SOS2: variants seen among roughly 807,000 people sequenced by gnomAD.
SOS2 encodes son of sevenless homolog 2.
SOS2 carries 65 observed loss-of-function variants against 148.2 expected under a neutral mutation model. The ratio of observed to expected loss-of-function variants is 0.44; its 90% CI spans 0.36 to 0.54. SOS2 has a LOEUF of 0.54. SOS2 is among the 20% of genes least tolerant of loss of function. The pLI is 0.00. For missense variants in SOS2, 1,341 were observed against 1,590.2 expected (o/e 0.84, Z 2.67); for synonymous variants, 539 against 537.1 (o/e 1.00, Z -0.05).
chr14:50,147,118 G>A (rs1285737872), intron 14 of SOS2, among the ~76,000 whole-genome samples: 1 of 151,806 alleles, frequency 6.6e-6, no homozygotes, highest in Non-Finnish European at 1.5e-5. Flanking sequence ...GACTGCTTGA[G>A]CCTAGAGTCT....
rs1469543967 is a variant in SOS2 at position 50,145,328 on chromosome 14, T to G, written c.2509A>C (p.Ile837Leu). The change falls in exon 16 of 23, where the codon ATT (isoleucine) becomes CTT (leucine). Residue 837 changes from isoleucine (I) to leucine (L), a missense_variant. By Grantham distance (5) the Ile-to-Leu change is conservative (BLOSUM62 2). Coordinates refer to ENST00000216373, the MANE Select transcript of SOS2 (RefSeq NM_006939.4). ...TCTTCAAAATTTTCTGCTTCCACAA[T>G]GCATCTAACAACAACAAAAATTCAT... ...TNLTLWFEKC[I>L]VEAENFEERV... is the part of the protein sequence containing the mutation. 1 of 1,600,866 alleles carries G rather than the reference T, an allele frequency of 6.2e-7. No homozygotes were observed. The highest frequency in any genetic ancestry group is 8.5e-7 in the Non-Finnish European group (1 of 1,176,022).
intron 18 of SOS2, among the ~76,000 whole-genome samples, chr14:50,135,642 CTTTTTTTTT>C (rs56043962): frequency 5.6e-4 from 46 of 82,576 alleles, no homozygotes; most frequent in Admixed American, 6.7e-4. Context: ...ATGTGGTTTG[CTTTTTTTTT>C]TTTTTTTTTT....
intron 7 of SOS2, among the ~76,000 whole-genome samples, chr14:50,176,094 CTG>C (rs1184420526): frequency 6.6e-6 from 1 of 152,194 alleles, no homozygotes; most frequent in Non-Finnish European, 1.5e-5. Context: ...GGCAGAGCCC[CTG>C]TGAACGGGGT....
intron 8 of SOS2, among the ~76,000 whole-genome samples, chr14:50,164,668 C>T (rs1885116338): frequency 6.6e-6 from 1 of 151,636 alleles, no homozygotes; most frequent in Admixed American, 6.6e-5. Flanking sequence ...AGAAAAATTA[C>T]TGTACTGAAC....
chr14:50,228,198 C>T (rs1400282532), intron 1 of SOS2, among the ~76,000 whole-genome samples: 6 of 151,924 alleles, frequency 3.9e-5, no homozygotes, highest in Admixed American at 2.0e-4. Context: ...CACACCACCA[C>T]ACCCAGCTAA....
At chr14:50,126,387 T>A (rs1883681345) in intron 21 of SOS2, among the ~76,000 whole-genome samples, 1 of 152,144 alleles carries the variant, frequency 6.6e-6, no homozygotes, top group African/African-American at 2.4e-5. Context: ...CCTTTCCTGG[T>A]CCAACCCTGC....
chr14:50,138,266 C>T (rs954295459), intron 18 of SOS2, among the ~76,000 whole-genome samples: 2 of 152,156 alleles, frequency 1.3e-5, no homozygotes, highest in African/African-American at 4.8e-5. Context: ...AAGTGATTCT[C>T]CCACCTCAGA....
chr14:50,121,630 C>T (rs1384852856), intron 21 of SOS2, among the ~76,000 whole-genome samples: 1 of 146,520 alleles, frequency 6.8e-6, no homozygotes, highest in Non-Finnish European at 1.5e-5. Flanking sequence ...GAGGATGTTC[C>T]TAAACACTCT....
At chr14:50,121,437 G>A (rs893612666) in intron 21 of SOS2, among the ~76,000 whole-genome samples, 4 of 148,898 alleles carry the variant, frequency 2.7e-5, no homozygotes, top group Non-Finnish European at 5.9e-5. Flanking sequence ...TAACTGAACT[G>A]CTTATGAGAC....
intron 4 of SOS2, among the ~76,000 whole-genome samples, chr14:50,195,648 C>T (rs574782844): frequency 6.6e-6 from 1 of 152,166 alleles, no homozygotes; most frequent in South Asian, 2.1e-4. Context: ...ATAGCTCTAG[C>T]TACTTGTGAG....
At chr14:50,128,411 A>C (rs987874540) in intron 21 of SOS2, among the ~76,000 whole-genome samples, 1 of 41,820 alleles carries the variant, frequency 2.4e-5, no homozygotes, top group Non-Finnish European at 5.2e-5. Context: ...AAAGGTGCTA[A>C]ACAAACATAC....
At position 50,205,697 on chromosome 14, in the gene SOS2, C is replaced by T. The variant is rs145248536; in HGVS notation, c.88-1288G>A. Among the ~76,000 whole-genome samples, 1,304 of 152,108 alleles carry T rather than the reference C, an allele frequency of 8.6e-3. 14 individuals carry two copies. Among genetic ancestry groups the T allele is most frequent in the Non-Finnish European group, 0.011 (776 of 68,000 alleles). On this transcript the variant is annotated intron_variant, in intron 1 of 22. Coordinates refer to ENST00000216373, the MANE Select transcript of SOS2 (RefSeq NM_006939.4). ...CTGTAATCCCAGCACTTTGGGAGGC[C>T]GAGGTGGGTGGATCACCTGAGGTCA... is the stretch of plus-strand genomic sequence containing the variant.
chr14:50,212,152 G>T (rs1886892270), intron 1 of SOS2, among the ~76,000 whole-genome samples: 1 of 152,200 alleles, frequency 6.6e-6, no homozygotes, highest in Admixed American at 6.5e-5. Context: ...GGTGTTAAGG[G>T]ATACACGCTG....
At chr14:50,189,748 A>G (rs1886062070) in intron 4 of SOS2, among the ~76,000 whole-genome samples, 1 of 152,178 alleles carries the variant, frequency 6.6e-6, no homozygotes, top group Admixed American at 6.6e-5. Context: ...TGTAGCAACC[A>G]CTTCTTCTTT....
Position 50,138,684 on chromosome 14 carries a change from T to G in SOS2, c.2886A>C (p.Val962=). Residue 962 remains valine (V), a synonymous_variant, in exon 18 of 23, where the codon GTA becomes GTC. Coordinates refer to ENST00000216373, the MANE Select transcript of SOS2 (RefSeq NM_006939.4). The part of the protein sequence containing the change: ...DLINFSKRRK[V]AEITGEIQQY... ...GCTGAATTTCTCCAGTAATTTCAGC[T>G]ACTTTCCTCCTCTTACTGAAATTGA... The G allele has an allele frequency of 6.4e-7, 1 of 1,560,504 alleles. No homozygotes were observed. Among genetic ancestry groups the G allele is most frequent in the African/African-American group, 1.4e-5 (1 of 73,134 alleles).
intron 8 of SOS2, among the ~76,000 whole-genome samples, chr14:50,172,151 G>A (rs79747611): frequency 1.4e-4 from 22 of 152,274 alleles, no homozygotes; most frequent in Non-Finnish European, 2.8e-4. Flanking sequence ...AATCTGATGT[G>A]TATGTAGTGG....
Position 50,145,445 on chromosome 14 carries a change from T to C in SOS2, c.2504+32A>G, listed in dbSNP as rs1226488852. 3.2e-6 allele frequency: 5 copies of C among 1,585,452 alleles called. No individual in the cohort carries two copies. In the Admixed American group the frequency reaches 5.4e-5, roughly 17 times the overall value. ...TAAATATGACTTAATATTATGGCTA[T>C]TAGGAGGTAGTAAGAGTAAATTAAA... On this transcript the variant is annotated intron_variant, in intron 15 of 22. Transcript: ENST00000216373.
chr14:50,220,920 C>A (rs1162786129), intron 1 of SOS2, among the ~76,000 whole-genome samples: 1 of 152,150 alleles, frequency 6.6e-6, no homozygotes, highest in Non-Finnish European at 1.5e-5. Flanking sequence ...ACAGTACAGG[C>A]TAGAAAAATG....
chr14:50,193,565 T>C (rs1886221081), intron 4 of SOS2, among the ~76,000 whole-genome samples: 1 of 152,168 alleles, frequency 6.6e-6, no homozygotes, highest in Non-Finnish European at 1.5e-5. Context: ...GATTCTCAAG[T>C]TCTCTGTCTG....
Sources: allele counts gnomAD v4.1 joint callset (sites outside exome capture counted in the v4.1 genomes callset), GRCh38; gene constraint gnomAD v4.1.1; transcripts MANE v1.5; gene names NCBI Gene and HGNC (gene_info 2026-07-23, HGNC 2026-07-21).